KIAA1671: variants seen among roughly 807,000 people sequenced by gnomAD.
KIAA1671 encodes uncharacterized protein KIAA1671.
A neutral mutation model predicts 131.2 loss-of-function variants in KIAA1671; 52 were observed. The observed-to-expected ratio is 0.40, with a 90% CI of 0.32 to 0.50. The LOEUF (loss-of-function observed/expected upper bound fraction) is 0.50, where lower values mean the gene tolerates loss of function less well. Ranked by LOEUF, KIAA1671 falls within the 20% of genes least tolerant of loss-of-function variation. KIAA1671 has a pLI of 0.73. For synonymous variants in KIAA1671, 1,003 were observed against 961.6 expected (o/e 1.04, Z -0.80); for missense variants, 2,360 against 2,364.2 (o/e 1.00, Z 0.04).
At chr22:25,089,962 G>A (rs1929941317) in intron 6 of KIAA1671, among the ~76,000 whole-genome samples, 1 of 152,204 alleles carries the variant, frequency 6.6e-6, no homozygotes, top group Admixed American at 6.5e-5. Context: ...ATAAAGAACG[G>A]CGTGTGTAGG....
Position 25,032,675 on chromosome 22 carries a change from T to C in KIAA1671, c.1608T>C (p.Phe536=). 3 of 1,546,610 alleles carry C rather than the reference T, an allele frequency of 1.9e-6. No individual in the cohort carries two copies. Among genetic ancestry groups the C allele is most frequent in the South Asian group, 2.4e-5 (2 of 83,732 alleles). The stretch of plus-strand genomic sequence containing the variant: ...AGAGTGCTGAGCTGAGCGGCGAGTT[T>C]CCTAAGGAACCGAGAGAAAAGGTAA... The part of the protein sequence containing the change: ...YEKSAELSGE[F]PKEPREKQKE... The change falls in exon 4 of 13, where the codon TTT becomes TTC. Residue 536 remains phenylalanine (F), a synonymous_variant. Transcript: ENST00000358431.
intron 6 of KIAA1671, among the ~76,000 whole-genome samples, chr22:25,141,342 C>T (rs1169111471): frequency 6.6e-6 from 1 of 152,054 alleles, no homozygotes; most frequent in South Asian, 2.1e-4. Flanking sequence ...ACGCCATTCT[C>T]CTGCCTCAGC....
intron 1 of KIAA1671, among the ~76,000 whole-genome samples, chr22:24,990,918 C>T (rs1923805023): frequency 9.1e-6 from 1 of 109,468 alleles, no homozygotes. Context: ...CAAGCCAGGA[C>T]CAAAGGCTTC....
intron 6 of KIAA1671, among the ~76,000 whole-genome samples, chr22:25,138,254 G>T (rs747655978): frequency 1.3e-5 from 2 of 152,232 alleles, no homozygotes; most frequent in Non-Finnish European, 2.9e-5. Flanking sequence ...ACAGCCGGCT[G>T]CATGGCTGAT....
At chr22:25,074,867 C>T (rs954060955) in intron 6 of KIAA1671, among the ~76,000 whole-genome samples, 2 of 152,166 alleles carry the variant, frequency 1.3e-5, no homozygotes, top group Non-Finnish European at 2.9e-5. Flanking sequence ...TTATGGGATA[C>T]TGGTTTCATT....
At chr22:25,168,770 G>A (rs142187804) in intron 6 of KIAA1671, among the ~76,000 whole-genome samples, 1 of 152,256 alleles carries the variant, frequency 6.6e-6, no homozygotes, top group African/African-American at 2.4e-5. Context: ...GGATAGGGAG[G>A]TGGAATGATA....
At chr22:25,105,827 G>A (rs1002190476) in intron 6 of KIAA1671, among the ~76,000 whole-genome samples, 1 of 151,844 alleles carries the variant, frequency 6.6e-6, no homozygotes, top group African/African-American at 2.4e-5. Context: ...GTTGGGGGGG[G>A]GGGGTGCCAA....
chr22:25,185,345 T>G, intron 11 of KIAA1671: 4 of 487,120 alleles, frequency 8.2e-6, no homozygotes, highest in Non-Finnish European at 1.1e-5. Flanking sequence ...GCCTCTCCTC[T>G]TCCCCGCCCA....
In KIAA1671 at chr22:25,040,142, A is replaced by T; in HGVS notation, c.3012A>T (p.Pro1004=). 6.4e-7 allele frequency: 1 copy of T among 1,551,716 alleles called. No individual in the cohort carries two copies. Among genetic ancestry groups the T allele is most frequent in the Non-Finnish European group, 8.7e-7 (1 of 1,147,002 alleles). The change falls in exon 5 of 13, where the codon CCA becomes CCT. Residue 1004 remains proline, a synonymous_variant. Coordinates refer to ENST00000358431, the MANE Select transcript of KIAA1671 (RefSeq NM_001145206.2). ...GGGTGGAGACCCAGGAGGTGAACCCAGGTGCTTCACGGGACCAGACTTCCC... is the reference window on the plus strand; with the variant it reads ...GGGTGGAGACCCAGGAGGTGAACCCTGGTGCTTCACGGGACCAGACTTCCC... ...HYRVETQEVN[P]GASRDQTSPA... is the part of the protein sequence containing the mutation.
At chr22:25,088,052 T>G (rs1035116273) in intron 6 of KIAA1671, among the ~76,000 whole-genome samples, 1 of 152,182 alleles carries the variant, frequency 6.6e-6, no homozygotes, top group African/African-American at 2.4e-5. Flanking sequence ...TGAAAGCTCT[T>G]AAGAAGATGG....
In KIAA1671 at chr22:25,122,522, C is replaced by T. The variant is rs73401820; in HGVS notation, c.4531-48298C>T. On this transcript the variant is annotated intron_variant, in intron 6 of 12. Transcript: ENST00000358431. ...GCCACTCTCTGCCTGTGGGATAGCC[C>T]TGCTCTGCTGGGGCTGTCACGGAGC... Among the ~76,000 whole-genome samples, 193 of 152,330 alleles carry T rather than the reference C, an allele frequency of 1.3e-3. 1 individual carries two copies. The highest frequency in any genetic ancestry group is 4.5e-3 in the African/African-American group (188 of 41,570).
intron 6 of KIAA1671, among the ~76,000 whole-genome samples, chr22:25,133,830 G>A (rs1285953976): frequency 6.6e-6 from 1 of 152,130 alleles, no homozygotes; most frequent in Non-Finnish European, 1.5e-5. Flanking sequence ...TTACAGGTGC[G>A]AGCCACCGCA....
chr22:25,131,713 G>C (rs1252004340), intron 6 of KIAA1671, among the ~76,000 whole-genome samples: 1 of 152,232 alleles, frequency 6.6e-6, no homozygotes, highest in Non-Finnish European at 1.5e-5. Context: ...ACAGTTTTCT[G>C]TGCTGTCTGA....
At chr22:25,170,766 G>T in intron 6 of KIAA1671, 54 bp from the exon 7 acceptor site, 1 of 1,513,506 alleles carries the variant, frequency 6.6e-7, no homozygotes, top group Non-Finnish European at 9.0e-7. Context: ...AGCCGGGACG[G>T]GGGTTCTGAG....
intron 1 of KIAA1671, among the ~76,000 whole-genome samples, chr22:25,020,296 A>G (rs995991363): frequency 1.3e-5 from 2 of 152,314 alleles, no homozygotes; most frequent in African/African-American, 4.8e-5. Context: ...GAGAAGGCAC[A>G]AGATGCACAG....
intron 6 of KIAA1671, among the ~76,000 whole-genome samples, chr22:25,122,949 G>A (rs1461839865): frequency 2.6e-5 from 4 of 151,840 alleles, no homozygotes; most frequent in South Asian, 2.1e-4. Context: ...CACACCAGCC[G>A]GGGCGACAGA....
chr22:25,142,561 A>G (rs1025320861), intron 6 of KIAA1671, among the ~76,000 whole-genome samples: 2 of 152,138 alleles, frequency 1.3e-5, no homozygotes, highest in Non-Finnish European at 2.9e-5. Flanking sequence ...GATGTTGTCC[A>G]TGTGTGCTTC....
At chr22:25,093,731 ACACACACTCTCTCTCTCTCTCT>A (rs1930155857) in intron 6 of KIAA1671, among the ~76,000 whole-genome samples, 2 of 43,580 alleles carry the variant, frequency 4.6e-5, no homozygotes, top group Admixed American at 1.8e-4. Context: ...ACACACACAC[ACACACACTCTCTCTCTCTCTCT>A]CTCTCTCTCT....
In KIAA1671 at chr22:25,174,306, G is replaced by A. The variant is rs5760891; in HGVS notation, c.4716G>A (p.Leu1572=). The change falls in exon 8 of 13, where the codon TTG becomes TTA. Residue 1572 remains leucine, a synonymous_variant. Transcript: ENST00000358431. Reference sequence around the variant, plus strand: ...GGAAACAGCCCCCCAGCAGCCGTTTGTCTTCTCTGTCCTCCCAAACGGAGC... The same window carrying A: ...GGAAACAGCCCCCCAGCAGCCGTTTATCTTCTCTGTCCTCCCAAACGGAGC... ...STRKQPPSSR[L]SSLSSQTEPT... 106,020 of 1,551,700 alleles carry A rather than the reference G, an allele frequency of 0.068. 4,354 individuals are homozygous for A. Among genetic ancestry groups the A allele is most frequent in the East Asian group, 0.18 (7,351 of 40,882 alleles).
Sources: gnomAD v4.1 joint callset for allele counts (sites outside exome capture counted in the v4.1 genomes callset) on GRCh38, gnomAD v4.1.1 for gene constraint, MANE v1.5 for transcripts, NCBI Gene and HGNC (gene_info 2026-07-23, HGNC 2026-07-21) for gene names.